KIF6: variants seen among roughly 807,000 people sequenced by gnomAD.
KIF6 encodes the protein kinesin-like protein KIF6.
In KIF6, 106 loss-of-function variants were observed where a neutral mutation model predicts 112.7. The observed-to-expected ratio is 0.94, with a 90% CI of 0.80 to 1.11. KIF6 has a LOEUF of 1.11. Among genes scored for constraint, KIF6 ranks in the 50% least tolerant of loss-of-function variants. KIF6 has a pLI of 0.00. For missense variants in KIF6, 929 were observed against 964.0 expected (o/e 0.96, Z 0.48); for synonymous variants, 339 against 339.9 (o/e 1.00, Z 0.03).
chr6:39,723,275 CAT>C (rs1458874401), intron 1 of KIF6, among the ~76,000 whole-genome samples: 5 of 152,142 alleles, frequency 3.3e-5, no homozygotes, highest in East Asian at 1.9e-4. Context: ...TGATATTCCA[CAT>C]AGACATATAC....
intron 13 of KIF6, among the ~76,000 whole-genome samples, chr6:39,433,080 G>T (rs1771274505): frequency 6.6e-6 from 1 of 151,910 alleles, no homozygotes; most frequent in Non-Finnish European, 1.5e-5. Context: ...CTGCAGAGCT[G>T]ACTGTGAATG....
chr6:39,373,691 T>A (rs1766213251), intron 16 of KIF6, among the ~76,000 whole-genome samples: 1 of 151,828 alleles, frequency 6.6e-6, no homozygotes, highest in Non-Finnish European at 1.5e-5. Context: ...GGAGGTATAA[T>A]TGAAAACTAT....
At chr6:39,614,825 T>C (rs1008223765) in intron 5 of KIF6, among the ~76,000 whole-genome samples, 1 of 152,188 alleles carries the variant, frequency 6.6e-6, no homozygotes, top group Non-Finnish European at 1.5e-5. Context: ...AAAAACTCCC[T>C]TTATTCCTTA....
At chr6:39,724,002 T>C (rs1790382636) in intron 1 of KIF6, among the ~76,000 whole-genome samples, 1 of 152,186 alleles carries the variant, frequency 6.6e-6, no homozygotes, top group Admixed American at 6.5e-5. Context: ...TTTCCTAATC[T>C]GTAAAATGCG....
chr6:39,511,659 A>G (rs527665667), intron 13 of KIF6, among the ~76,000 whole-genome samples: 1 of 152,362 alleles, frequency 6.6e-6, no homozygotes, highest in Admixed American at 6.5e-5. Flanking sequence ...TTATTGTGGC[A>G]CTATTTATAA....
chr6:39,391,721 A>G (rs1025744179), intron 15 of KIF6, among the ~76,000 whole-genome samples: 1 of 152,242 alleles, frequency 6.6e-6, no homozygotes. Context: ...AAAAAAAGAT[A>G]GTCAAGTTCA....
intron 13 of KIF6, among the ~76,000 whole-genome samples, chr6:39,470,626 A>G (rs1774067798): frequency 6.6e-6 from 1 of 152,194 alleles, no homozygotes; most frequent in African/African-American, 2.4e-5. Context: ...TTTAGAAAAC[A>G]ACATATTTTA....
At chr6:39,661,470 A>T (rs1328704322) in intron 3 of KIF6, among the ~76,000 whole-genome samples, 1 of 152,134 alleles carries the variant, frequency 6.6e-6, no homozygotes. Flanking sequence ...TCTATTGCCT[A>T]TGTGTAAAGA....
chr6:39,531,630 T>C lies in KIF6; in HGVS notation c.1645+8373A>G, dbSNP rs1430434701. On this transcript the variant is annotated intron_variant, in intron 13 of 22. Coordinates refer to ENST00000287152, the MANE Select transcript of KIF6 (RefSeq NM_145027.6). The stretch of plus-strand genomic sequence containing the variant: ...TGCTCTCTATAGCCAACAATGTCAA[T>C]TGGGGAAATTGTGGGGCCAGGGAAG... Among the ~76,000 whole-genome samples the C allele has an allele frequency of 6.6e-5, 10 of 152,256 alleles. No homozygotes were observed. The South Asian group carries it at 1.5e-3, about 22-fold the overall frequency.
intron 15 of KIF6, among the ~76,000 whole-genome samples, chr6:39,396,632 T>C (rs1562172580): frequency 6.6e-6 from 1 of 152,306 alleles, no homozygotes; most frequent in African/African-American, 2.4e-5. Flanking sequence ...ACTGTGACCC[T>C]AGGCTACTTA....
At chr6:39,345,660 G>C in intron 21 of KIF6, 40 bp downstream of exon 21, 1 of 1,552,776 alleles carries the variant, frequency 6.4e-7, no homozygotes, top group Non-Finnish European at 8.8e-7. Flanking sequence ...TCCGCCCACT[G>C]CAGGGGCTGT....
rs142326506 is a variant in KIF6 at position 39,529,513 on chromosome 6, G to A, written c.1645+10490C>T. ...TTAAAAATGGGTGACCTGGCCAGGCGCAGTGGCTCATGCCTGTAATCCCAG... is the reference window on the plus strand; with the variant it reads ...TTAAAAATGGGTGACCTGGCCAGGCACAGTGGCTCATGCCTGTAATCCCAG... On this transcript the variant is annotated intron_variant, in intron 13 of 22. Coordinates refer to ENST00000287152, the MANE Select transcript of KIF6 (RefSeq NM_145027.6). 5.1e-3 allele frequency among the ~76,000 whole-genome samples: 780 copies of A among 152,224 alleles called. 6 individuals are homozygous for A. The highest frequency in any genetic ancestry group is 7.5e-3 in the Non-Finnish European group (508 of 68,020).
At chr6:39,534,752 C>T (rs1289927104) in intron 13 of KIF6, among the ~76,000 whole-genome samples, 1 of 152,122 alleles carries the variant, frequency 6.6e-6, no homozygotes, top group Non-Finnish European at 1.5e-5. Context: ...CTCCAAGACA[C>T]ATAATTGTCA....
intron 18 of KIF6, among the ~76,000 whole-genome samples, chr6:39,359,887 C>T (rs1048398454): frequency 6.6e-6 from 1 of 152,092 alleles, no homozygotes; most frequent in East Asian, 1.9e-4. Context: ...CCGTGCCCAG[C>T]CTGATTCTAT....
chr6:39,587,534 T>A (rs1781702584), intron 7 of KIF6, among the ~76,000 whole-genome samples: 1 of 152,180 alleles, frequency 6.6e-6, no homozygotes, highest in Admixed American at 6.5e-5. Flanking sequence ...AAAAATCACT[T>A]TTCAGCTCTC....
chr6:39,584,800 T>G, intron 9 of KIF6, 98 bp downstream of exon 9: 2 of 712,530 alleles, frequency 2.8e-6, no homozygotes, highest in Non-Finnish European at 4.9e-6. Context: ...TTCCACTACT[T>G]AGAACATTCC....
rs1227292099 is a variant in KIF6 at position 39,567,144 on chromosome 6, A to AC, written c.1181+10911_1181+10912insG. On this transcript the variant is annotated intron_variant, in intron 10 of 22. Coordinates refer to ENST00000287152, the MANE Select transcript of KIF6 (RefSeq NM_145027.6). The stretch of plus-strand genomic sequence containing the variant: ...AAATGAAGTAGATTCCTCAGCAATA[A>AC]TAAAAATTGTATCAAGGAATCATAG... Among the ~76,000 whole-genome samples the AC allele has an allele frequency of 6.6e-5, 10 of 152,358 alleles. No individual in the cohort carries two copies. The East Asian group carries it at 1.9e-3, about 29-fold the overall frequency.
intron 10 of KIF6, among the ~76,000 whole-genome samples, chr6:39,577,194 T>C (rs934899396): frequency 6.6e-6 from 1 of 152,220 alleles, no homozygotes; most frequent in Non-Finnish European, 1.5e-5. Flanking sequence ...GAGTGAAAGC[T>C]TTGACTATAA....
At chr6:39,368,081 T>C (rs1765709736) in intron 16 of KIF6, among the ~76,000 whole-genome samples, 1 of 152,218 alleles carries the variant, frequency 6.6e-6, no homozygotes. Flanking sequence ...TAGGATGGTG[T>C]GTAGGAGCCA....
Sources: gnomAD v4.1 joint callset for allele counts (sites outside exome capture counted in the v4.1 genomes callset) on GRCh38, gnomAD v4.1.1 for gene constraint, MANE v1.5 for transcripts, NCBI Gene and HGNC (gene_info 2026-07-23, HGNC 2026-07-21) for gene names.